The following DHX35 variants were observed in gnomAD, a reference collection of about 807,000 sequenced individuals.
The protein encoded by DHX35 is probable ATP-dependent RNA helicase DHX35.
In DHX35, 84 loss-of-function variants were observed where a neutral mutation model predicts 99.6. The ratio of observed to expected loss-of-function variants is 0.84; its 90% CI spans 0.71 to 1.01. The LOEUF is 1.01. DHX35 is among the 50% of genes least tolerant of loss of function. DHX35 has a pLI of 0.00. For synonymous variants in DHX35, 331 were observed against 316.2 expected (o/e 1.05, Z -0.50); for missense variants, 852 against 888.5 (o/e 0.96, Z 0.52).
At chr20:38,992,245 G>C (rs4812348) in intron 6 of DHX35, 111 bp from the exon 7 acceptor site, 272,303 of 837,248 alleles carry the variant, frequency 0.33, 44,955 homozygotes, top group East Asian at 0.41. Flanking sequence ...GTTTACTTTT[G>C]ATGCAAAGTG....
intron 11 of DHX35, among the ~76,000 whole-genome samples, chr20:39,004,518 C>T (rs1473105259): frequency 6.6e-6 from 1 of 152,202 alleles, no homozygotes; most frequent in African/African-American, 2.4e-5. Flanking sequence ...GGATTGAGGT[C>T]AGTCAGGAGC....
At chr20:39,020,656 CTTT>C (rs57246257) in intron 15 of DHX35, among the ~76,000 whole-genome samples, 104 of 105,212 alleles carry the variant, frequency 9.9e-4, no homozygotes, top group African/African-American at 3.6e-3. Flanking sequence ...AAACAGGATT[CTTT>C]TTTTTTTTTT....
In DHX35 at chr20:39,024,187, C is replaced by T. The variant is rs575162571; in HGVS notation, c.1671+420C>T. On this transcript the variant is annotated intron_variant, in intron 17 of 21. Transcript: ENST00000252011. ...AGCTGTCCCAGCTGCCATGAGAAGA[C>T]ATTTAGTTGAGATCTGTGCATATTC... 1.3e-5 allele frequency among the ~76,000 whole-genome samples: 2 copies of T among 152,354 alleles called. 1 individual carries two copies. The highest frequency in any genetic ancestry group is 1.3e-4 in the Admixed American group (2 of 15,302).
At chr20:38,989,097 CTTT>C (rs375064892) in intron 5 of DHX35, among the ~76,000 whole-genome samples, 180 bp downstream of exon 5, 4 of 125,322 alleles carry the variant, frequency 3.2e-5, no homozygotes, top group Non-Finnish European at 5.1e-5. Context: ...TTCCTTTTTT[CTTT>C]TTTTTTTTTT....
chr20:38,969,961 C>A (rs1266939801), intron 2 of DHX35, among the ~76,000 whole-genome samples: 1 of 152,226 alleles, frequency 6.6e-6, no homozygotes, highest in Non-Finnish European at 1.5e-5. Context: ...GGGGTGAATT[C>A]TCCCTGCTCC....
In DHX35 at chr20:38,973,532, C is replaced by A. The variant is rs183500430; in HGVS notation, c.267+881C>A. On this transcript the variant is annotated intron_variant, in intron 3 of 21. Coordinates refer to ENST00000252011, the MANE Select transcript of DHX35 (RefSeq NM_021931.4). Reference sequence around the variant, plus strand: ...AACACAAGGGTAGCTCTTATTCTGGCTACTAACCTCATAAATTAGTTTTGC... The same window carrying A: ...AACACAAGGGTAGCTCTTATTCTGGATACTAACCTCATAAATTAGTTTTGC... Among the ~76,000 whole-genome samples the A allele has an allele frequency of 1.3e-3, 193 of 152,308 alleles. 3 individuals are homozygous for A. In the South Asian group the frequency reaches 0.027, roughly 21 times the overall value.
chr20:38,962,593 T>C lies in DHX35; in HGVS notation c.40+186T>C, dbSNP rs537664905. 9 of 664,928 alleles carry C rather than the reference T, an allele frequency of 1.4e-5. No homozygotes were observed. The East Asian group carries it at 2.6e-4, about 19-fold the overall frequency. 41.2% of individuals were successfully genotyped at this position (664,928 alleles called of 1,614,324 possible). On this transcript the variant is annotated intron_variant, in intron 1 of 21. Coordinates refer to ENST00000252011, the MANE Select transcript of DHX35 (RefSeq NM_021931.4). ...GTGGTCCCGAGGGATTTGGGGGTGCTCCCCTAGCGTGAGCAGAAACTCTTT... is the reference window on the plus strand; with the variant it reads ...GTGGTCCCGAGGGATTTGGGGGTGCCCCCCTAGCGTGAGCAGAAACTCTTT...
intron 12 of DHX35, among the ~76,000 whole-genome samples, chr20:39,008,477 A>T (rs1449395678): frequency 1.3e-5 from 2 of 152,238 alleles, no homozygotes; most frequent in African/African-American, 4.8e-5. Context: ...CCAAGAAATC[A>T]TGGACTAAAG....
chr20:38,963,773 A>G (rs143350460), intron 1 of DHX35, among the ~76,000 whole-genome samples: 25 of 152,350 alleles, frequency 1.6e-4, no homozygotes, highest in African/African-American at 5.8e-4. Context: ...GGAGACAAAT[A>G]CAGATGCTCA....
intron 3 of DHX35, among the ~76,000 whole-genome samples, chr20:38,981,766 A>G (rs577702126): frequency 6.6e-6 from 1 of 152,120 alleles, no homozygotes; most frequent in South Asian, 2.1e-4. Context: ...AACATGGCAA[A>G]ACCTGGTCTC....
rs773568231 is a variant in DHX35, at chr20:38,991,445, A to C, written c.451-9A>C. ...ATTATTTCTAAAGCTTTGTGTTTTT[A>C]TTTTTTAGTTTCTTACTGATGGAAT... On this transcript the variant is annotated splice_polypyrimidine_tract_variant and intron_variant, in intron 5 of 21. Coordinates refer to ENST00000252011, the MANE Select transcript of DHX35 (RefSeq NM_021931.4). 2 of 1,610,644 alleles carry C rather than the reference A, an allele frequency of 1.2e-6. No individual in the cohort carries two copies. The highest frequency in any genetic ancestry group is 2.2e-5 in the South Asian group (2 of 90,340).
At chr20:39,001,631 C>T in intron 8 of DHX35, 99 bp from the exon 9 acceptor site, 1 of 840,288 alleles carries the variant, frequency 1.2e-6, no homozygotes. Flanking sequence ...TCTTGCTACT[C>T]ACCTGTCTTT....
At chr20:39,009,712 T>A (rs908694082) in intron 12 of DHX35, among the ~76,000 whole-genome samples, 3 of 152,162 alleles carry the variant, frequency 2.0e-5, no homozygotes, top group South Asian at 2.1e-4. Flanking sequence ...TGTCTTAGGA[T>A]GCTTTTTCCT....
rs779559357 is a variant in DHX35, at chr20:39,038,515, C to T, written c.2084C>T (p.Ala695Val). ...YQQGTHLSLK[A>V]KRAKVQDP ...CTGTTGCAGCACCTGTCTCTGAAAG[C>T]CAAAAGGGCCAAGGTCCAGGACCCG... is the stretch of plus-strand genomic sequence containing the variant. Residue 695 changes from alanine to valine, a missense_variant, in exon 22 of 22, where the codon GCC becomes GTC. Transcript: ENST00000252011. 6 of 1,613,380 alleles carry T rather than the reference C, an allele frequency of 3.7e-6. No homozygotes were observed. Among genetic ancestry groups the T allele is most frequent in the Non-Finnish European group, 5.1e-6 (6 of 1,180,018 alleles).
Position 39,002,910 on chromosome 20 carries a change from C to T in DHX35, c.852+42C>T, listed in dbSNP as rs1224985457. ...TCTCTGATGAATAGACATGTTAAGA[C>T]AGCACCAAAAGTAATACAGAGCCTT... On this transcript the variant is annotated intron_variant, in intron 10 of 21. Coordinates refer to ENST00000252011, the MANE Select transcript of DHX35 (RefSeq NM_021931.4). 6 of 1,526,122 alleles carry T rather than the reference C, an allele frequency of 3.9e-6. No homozygotes were observed. The African/African-American group carries it at 5.5e-5, about 14-fold the overall frequency. The allele number at this position is 1,526,122 out of a possible 1,614,324, so 94.5% of individuals were successfully genotyped here.
chr20:38,977,949 A>G lies in DHX35; in HGVS notation c.267+5298A>G. 7 of 623,814 alleles carry G rather than the reference A, an allele frequency of 1.1e-5. 1 individual carries two copies. The highest frequency in any genetic ancestry group is 4.5e-4 in the Middle Eastern group (1 of 2,202). 38.6% of individuals were successfully genotyped at this position (623,814 alleles called of 1,614,324 possible). A position where few individuals can be genotyped will look rare whatever the true frequency, so the allele number is the denominator to read the frequency against. On this transcript the variant is annotated intron_variant, in intron 3 of 21. Coordinates refer to ENST00000252011, the MANE Select transcript of DHX35 (RefSeq NM_021931.4). ...AATCATCATCATTAGCAGCAGCAGC[A>G]AGTTTTACTTTTTTCTCTGGAACGT...
intron 5 of DHX35, among the ~76,000 whole-genome samples, chr20:38,990,270 A>C (rs2086318323): frequency 6.6e-6 from 1 of 152,252 alleles, no homozygotes; most frequent in Non-Finnish European, 1.5e-5. Flanking sequence ...TACCAGGTCC[A>C]AGAAAAATAT....
intron 6 of DHX35, 151 bp from the exon 7 acceptor site, chr20:38,992,205 T>G: frequency 1.7e-6 from 1 of 589,304 alleles, no homozygotes; most frequent in Non-Finnish European, 3.0e-6. Flanking sequence ...AACCTAAGAA[T>G]TGCCTCATTG....
At chr20:38,979,827 ATTT>A (rs11476490) in intron 3 of DHX35, among the ~76,000 whole-genome samples, 19 of 143,484 alleles carry the variant, frequency 1.3e-4, no homozygotes, top group Admixed American at 7.0e-4. Context: ...AACCTAGATG[ATTT>A]TTTTTTTTTT....
Sources: gnomAD v4.1 joint callset for allele counts (sites outside exome capture counted in the v4.1 genomes callset) on GRCh38, gnomAD v4.1.1 for gene constraint, MANE v1.5 for transcripts, NCBI Gene and HGNC (gene_info 2026-07-23, HGNC 2026-07-21) for gene names.